Variants in ANXA8 observed in about 807,000 individuals in gnomAD.
ANXA8 encodes the protein annexin A8, also known as VAC-beta.
Under a neutral mutation model 26.8 loss-of-function variants are expected in ANXA8, and 9 were observed. The ratio of observed to expected loss-of-function variants is 0.34; its 90% CI spans 0.20 to 0.59. The LOEUF (loss-of-function observed/expected upper bound fraction) is 0.59. ANXA8 is among the 20% of genes least tolerant of loss of function. The probability of loss-of-function intolerance (pLI) is 0.84; values close to 1 mark genes in which losing one functional copy is unlikely to be tolerated. For missense variants in ANXA8, 83 were observed against 238.5 expected (o/e 0.35, Z 4.29); for synonymous variants, 39 against 94.8 (o/e 0.41, Z 3.42).
At chr10:47,744,570 T>A in the ANXA8 span, among the ~76,000 whole-genome samples, 1 of 150,972 alleles carries the variant, frequency 6.6e-6, no homozygotes, top group Non-Finnish European at 1.5e-5. Flanking sequence ...AAGCTACAAG[T>A]GGAGAGGGGC....
At chr10:47,696,324 A>C in the ANXA8 span, 1 of 436,490 alleles carries the variant, frequency 2.3e-6, no homozygotes, top group Non-Finnish European at 4.0e-6. Flanking sequence ...GGCATGCATA[A>C]TATTTTGCTG....
the ANXA8 span, among the ~76,000 whole-genome samples, chr10:47,636,470 T>G: frequency 6.9e-6 from 1 of 145,520 alleles, no homozygotes; most frequent in Non-Finnish European, 1.5e-5. Context: ...TGTTGTTTCC[T>G]AAGTGTTTTG....
chr10:47,529,122 A>T, the ANXA8 span, among the ~76,000 whole-genome samples: 1 of 144,694 alleles, frequency 6.9e-6, no homozygotes, highest in African/African-American at 2.5e-5. Flanking sequence ...CACAATCTCT[A>T]AAGAAAGATT....
chr10:47,764,373 C>CG, the ANXA8 span, among the ~76,000 whole-genome samples: 2 of 151,462 alleles, frequency 1.3e-5, no homozygotes, highest in Non-Finnish European at 2.9e-5. Context: ...TCTCACAGTT[C>CG]GGGGGGTCGG....
the ANXA8 span, among the ~76,000 whole-genome samples, chr10:47,694,417 C>CTTT: frequency 1.3e-4 from 14 of 107,958 alleles, no homozygotes; most frequent in South Asian, 2.7e-4. Context: ...AGAAATCTTC[C>CTTT]TTTTTTTTTT....
the ANXA8 span, among the ~76,000 whole-genome samples, chr10:47,686,150 T>C: frequency 6.6e-6 from 1 of 151,602 alleles, no homozygotes; most frequent in South Asian, 2.1e-4. Flanking sequence ...CAGTTCCACA[T>C]TGGTTGAACT....
At chr10:47,740,883 C>T in the ANXA8 span, among the ~76,000 whole-genome samples, 8 of 149,814 alleles carry the variant, frequency 5.3e-5, no homozygotes, top group East Asian at 1.6e-3. Flanking sequence ...CTGAGATTGT[C>T]AGTTTATTGG....
At chr10:47,705,381 C>T in the ANXA8 span, among the ~76,000 whole-genome samples, 1 of 130,358 alleles carries the variant, frequency 7.7e-6, no homozygotes, top group Non-Finnish European at 1.6e-5. Flanking sequence ...TAAAATTCAG[C>T]ATATCTTGTA....
the ANXA8 span, among the ~76,000 whole-genome samples, chr10:47,674,015 G>A: frequency 6.6e-6 from 1 of 151,482 alleles, no homozygotes; most frequent in East Asian, 1.9e-4. Flanking sequence ...ACAGTTTTGA[G>A]GAGTATTGTT....
At chr10:47,892,582 G>T in the ANXA8 span, among the ~76,000 whole-genome samples, 1 of 148,704 alleles carries the variant, frequency 6.7e-6, no homozygotes, top group African/African-American at 2.5e-5. Flanking sequence ...ACTAGGAAGA[G>T]CAGTGCCCGA....
the ANXA8 span, among the ~76,000 whole-genome samples, chr10:47,694,811 A>T: frequency 5.9e-5 from 9 of 151,588 alleles, no homozygotes; most frequent in Non-Finnish European, 1.3e-4. Context: ...TAGCAATAGA[A>T]TGAAGAGATG....
At chr10:47,577,187 T>C in the ANXA8 span, among the ~76,000 whole-genome samples, 2 of 146,020 alleles carry the variant, frequency 1.4e-5, no homozygotes, top group Admixed American at 6.9e-5. Context: ...ATGGCGCCAT[T>C]GCACTCCAGC....
At chr10:47,951,246 A>G in the ANXA8 span, among the ~76,000 whole-genome samples, 2 of 150,604 alleles carry the variant, frequency 1.3e-5, no homozygotes, top group South Asian at 2.1e-4. Flanking sequence ...TGAAGAAAAA[A>G]TAGATAATCT....
At chr10:47,929,962 T>C in the ANXA8 span, among the ~76,000 whole-genome samples, 1 of 152,184 alleles carries the variant, frequency 6.6e-6, no homozygotes, top group South Asian at 2.1e-4. Context: ...TCAGGGCAAA[T>C]TTCACAGTCA....
chr10:47,980,467 A>C, the ANXA8 span, among the ~76,000 whole-genome samples: 2 of 151,806 alleles, frequency 1.3e-5, no homozygotes, highest in Non-Finnish European at 2.9e-5. Flanking sequence ...TAAGGGAAAA[A>C]ACAAGAGTAA....
chr10:47,632,420 C>G, the ANXA8 span, among the ~76,000 whole-genome samples: 1 of 149,054 alleles, frequency 6.7e-6, no homozygotes, highest in Non-Finnish European at 1.5e-5. Context: ...GGTTATAACA[C>G]TAAGAACCTA....
chr10:47,985,069 C>T, the ANXA8 span, among the ~76,000 whole-genome samples: 29 of 148,982 alleles, frequency 1.9e-4, no homozygotes, highest in Admixed American at 1.6e-3. Context: ...TTGCAAACTG[C>T]GTATCTGACA....
the ANXA8 span, among the ~76,000 whole-genome samples, chr10:47,521,903 T>C: frequency 1.3e-5 from 2 of 149,844 alleles, no homozygotes; most frequent in African/African-American, 4.9e-5. Flanking sequence ...GCCTCAGCCT[T>C]GTGAGTAGCT....
At chr10:47,491,752 T>C in the ANXA8 span, 1 of 1,545,790 alleles carries the variant, frequency 6.5e-7, no homozygotes, top group Non-Finnish European at 8.7e-7. Flanking sequence ...CTGGTGCCTA[T>C]CTAGGCTCTG....
Sources: allele counts gnomAD v4.1 joint callset (sites outside exome capture counted in the v4.1 genomes callset), GRCh38; gene constraint gnomAD v4.1.1; transcripts MANE v1.5; gene names NCBI Gene and HGNC (gene_info 2026-07-23, HGNC 2026-07-21).